The following MINDY4B variants were observed in gnomAD, a reference collection of about 807,000 sequenced individuals.
MINDY4B encodes inactive ubiquitin carboxyl-terminal hydrolase MINDY-4B.
MINDY4B carries 25 observed loss-of-function variants against 16.7 expected under a neutral mutation model. The observed-to-expected ratio is 1.49, with a 90% CI of 1.09 to 2.09. MINDY4B has a LOEUF of 2.09. MINDY4B is among the 30% of genes most tolerant of loss of function. The pLI, the probability that MINDY4B is intolerant of heterozygous loss-of-function variation, is 0.00. For synonymous variants in MINDY4B, 132 were observed against 61.9 expected (o/e 2.13, Z -5.32); for missense variants, 327 against 168.4 (o/e 1.94, Z -5.21).
At position 150,881,235 on chromosome 3, in the gene MINDY4B, T is replaced by C. The variant is rs1213891921; in HGVS notation, c.1059+1662A>G. ...CCTATCTCTACTAAAAATACAAAAATTAGCTAGCCATGGTGGTGTACATCT... is the reference window on the plus strand; with the variant it reads ...CCTATCTCTACTAAAAATACAAAAACTAGCTAGCCATGGTGGTGTACATCT... On this transcript the variant is annotated intron_variant, in intron 10 of 11. Coordinates refer to ENST00000465419, the MANE Select transcript of MINDY4B (RefSeq NM_001351281.2). 3.3e-5 allele frequency among the ~76,000 whole-genome samples: 5 copies of C among 151,558 alleles called. No homozygotes were observed. The East Asian group carries it at 9.9e-4, about 30-fold the overall frequency.
At chr3:150,875,775 T>C (rs1225601405) in intron 10 of MINDY4B, among the ~76,000 whole-genome samples, 2 of 152,192 alleles carry the variant, frequency 1.3e-5, no homozygotes, top group Non-Finnish European at 2.9e-5. Flanking sequence ...GGAAATGTCA[T>C]GCATGACTGT....
Position 150,895,667 on chromosome 3 carries a change from G to T in MINDY4B, c.310-1362C>A, listed in dbSNP as rs577793189. On this transcript the variant is annotated intron_variant, in intron 3 of 11. Transcript: ENST00000465419. Reference sequence around the variant, plus strand: ...TTTAGTAGAGACAGGGTTTCACCCTGTTGGCCAGCCTGTTCTTGAACTACT... The same window carrying T: ...TTTAGTAGAGACAGGGTTTCACCCTTTTGGCCAGCCTGTTCTTGAACTACT... Among the ~76,000 whole-genome samples, 38 of 152,260 alleles carry T rather than the reference G, an allele frequency of 2.5e-4. 1 individual carries two copies. The East Asian group carries it at 6.8e-3, about 27-fold the overall frequency.
intron 8 of MINDY4B, among the ~76,000 whole-genome samples, chr3:150,884,527 G>A (rs764880223): frequency 6.6e-5 from 10 of 152,128 alleles, no homozygotes; most frequent in Non-Finnish European, 1.3e-4. Context: ...ATTTTAATAC[G>A]TTTATCTTTA....
intron 3 of MINDY4B, among the ~76,000 whole-genome samples, chr3:150,902,275 T>G (rs1712134784): frequency 6.6e-6 from 1 of 152,216 alleles, no homozygotes; most frequent in Non-Finnish European, 1.5e-5. Flanking sequence ...TGTGACAGCA[T>G]GTCCTCAGGA....
chr3:150,881,267 C>T (rs1194225647), intron 10 of MINDY4B, among the ~76,000 whole-genome samples: 1 of 151,978 alleles, frequency 6.6e-6, no homozygotes, highest in Non-Finnish European at 1.5e-5. Context: ...ATCTGTAATC[C>T]CAGCTACTCG....
intron 3 of MINDY4B, 71 bp downstream of exon 3, chr3:150,903,178 A>G: frequency 2.5e-6 from 1 of 397,980 alleles, no homozygotes. Context: ...GGCAGGAGAT[A>G]AGATTCCCCA....
chr3:150,875,952 AT>A (rs1469912100), intron 10 of MINDY4B, among the ~76,000 whole-genome samples: 1 of 152,166 alleles, frequency 6.6e-6, no homozygotes, highest in Non-Finnish European at 1.5e-5. Context: ...TTTGACTGGC[AT>A]TTTTTGTTTT....
At chr3:150,898,853 G>A (rs1337969394) in intron 3 of MINDY4B, among the ~76,000 whole-genome samples, 1 of 152,142 alleles carries the variant, frequency 6.6e-6, no homozygotes, top group Non-Finnish European at 1.5e-5. Flanking sequence ...CAGGGTTAAT[G>A]TTCTTACCCT....
At chr3:150,895,846 T>G (rs964865346) in intron 3 of MINDY4B, among the ~76,000 whole-genome samples, 1 of 152,216 alleles carries the variant, frequency 6.6e-6, no homozygotes, top group African/African-American at 2.4e-5. Flanking sequence ...ATGATTTTTT[T>G]GCAATGAATT....
chr3:150,886,807 T>C (rs1711632455), intron 7 of MINDY4B, among the ~76,000 whole-genome samples: 2 of 152,182 alleles, frequency 1.3e-5, no homozygotes, highest in African/African-American at 4.8e-5. Context: ...TTTTGATTAA[T>C]TGAGCCCATC....
At position 150,903,296 on chromosome 3, in the gene MINDY4B, T is replaced by C. The variant is rs1464000318; in HGVS notation, c.262A>G (p.Ile88Val). 7.5e-6 allele frequency: 3 copies of C among 398,512 alleles called. No individual in the cohort carries two copies. Among genetic ancestry groups the C allele is most frequent in the African/African-American group, 2.1e-5 (1 of 48,732 alleles). 24.7% of individuals were successfully genotyped at this position (398,512 alleles called of 1,614,324 possible). A position where few individuals can be genotyped will look rare whatever the true frequency, so the allele number is the denominator to read the frequency against. Residue 88 changes from isoleucine to valine, a missense_variant, in exon 3 of 12, where the codon ATC becomes GTC. Coordinates refer to ENST00000465419, the MANE Select transcript of MINDY4B (RefSeq NM_001351281.2). ...GGAAAGCCACCCAATTTTGAAGAGA[T>C]GATAGAGGGGTTGGGAATAGAACAA... ...GLCSIPNPSIISSKLGGFPIS... is the reference protein window; with the variant it reads ...GLCSIPNPSIVSSKLGGFPIS...
At chr3:150,892,901 T>C (rs996523562) in intron 5 of MINDY4B, among the ~76,000 whole-genome samples, 6 of 151,602 alleles carry the variant, frequency 4.0e-5, no homozygotes, top group African/African-American at 1.5e-4. Flanking sequence ...GATCATGCCA[T>C]TGCACTCCAG....
intron 5 of MINDY4B, 145 bp from the exon 6 acceptor site, chr3:150,891,248 G>C (rs1711797341): frequency 1.7e-6 from 1 of 604,634 alleles, no homozygotes; most frequent in African/African-American, 1.8e-5. Flanking sequence ...CAAAGTTCCT[G>C]CCCTTGACTT....
chr3:150,873,396 A>C (rs1198990771), intron 10 of MINDY4B, 29 bp from the exon 11 acceptor site: 15 of 695,814 alleles, frequency 2.2e-5, no homozygotes, highest in Non-Finnish European at 3.9e-5. Context: ...ATGCAGATAA[A>C]TATATAGATT....
intron 11 of MINDY4B, among the ~76,000 whole-genome samples, chr3:150,871,849 C>A (rs1716980919): frequency 6.6e-6 from 1 of 152,110 alleles, no homozygotes; most frequent in African/African-American, 2.4e-5. Context: ...CATCTCCAAC[C>A]AACCAACCAA....
In MINDY4B at chr3:150,887,981, G is replaced by A. The variant is rs371467234; in HGVS notation, c.753+2339C>T. 5.0e-3 allele frequency among the ~76,000 whole-genome samples: 755 copies of A among 151,910 alleles called. 9 individuals are homozygous for A. The highest frequency in any genetic ancestry group is 0.017 in the African/African-American group (708 of 41,236). The stretch of plus-strand genomic sequence containing the variant: ...AAATTAGCCAGGCGTGGTGGCGGGC[G>A]CCTGTAGTCCCAGCTACTCGGAGGC... On this transcript the variant is annotated intron_variant, in intron 7 of 11. Transcript: ENST00000465419.
intron 6 of MINDY4B, chr3:150,890,708 G>A (rs1048138306): frequency 3.9e-6 from 2 of 510,428 alleles, no homozygotes; most frequent in South Asian, 6.6e-5. Context: ...GATTATTTCA[G>A]ATGGGAGATA....
chr3:150,874,606 C>G (rs1276315507), intron 10 of MINDY4B, among the ~76,000 whole-genome samples: 2 of 152,132 alleles, frequency 1.3e-5, no homozygotes, highest in Non-Finnish European at 2.9e-5. Context: ...TTCCTGGGCC[C>G]CTTAGCTTGG....
intron 11 of MINDY4B, among the ~76,000 whole-genome samples, chr3:150,871,858 A>G (rs1053428570): frequency 1.2e-4 from 18 of 152,120 alleles, no homozygotes; most frequent in African/African-American, 3.6e-4. Flanking sequence ...CCAACCAACC[A>G]ACCGACCCCA....
Sources: gnomAD v4.1 joint callset for allele counts (sites outside exome capture counted in the v4.1 genomes callset) on GRCh38, gnomAD v4.1.1 for gene constraint, MANE v1.5 for transcripts, NCBI Gene and HGNC (gene_info 2026-07-23, HGNC 2026-07-21) for gene names.